CACNA1E: variants seen among roughly 807,000 people sequenced by gnomAD.
CACNA1E encodes voltage-dependent R-type calcium channel subunit alpha-1E.
CACNA1E carries 40 observed loss-of-function variants against 259.2 expected under a neutral mutation model. The ratio of observed to expected loss-of-function variants is 0.15; its 90% CI spans 0.12 to 0.20. The LOEUF is 0.20. Among genes scored for constraint, CACNA1E ranks in the 10% least tolerant of loss-of-function variants. The pLI is 1.00. For missense variants in CACNA1E, 1,874 were observed against 3,040.1 expected, an observed-to-expected ratio of 0.62 and a Z score of 9.02; for synonymous variants, 1,104 against 1,138.5, an observed-to-expected ratio of 0.97 and a Z score of 0.61.
chr1:181,581,485 C>T (rs1651538489), intron 6 of CACNA1E, among the ~76,000 whole-genome samples: 1 of 152,078 alleles, frequency 6.6e-6, no homozygotes, highest in African/African-American at 2.4e-5. Context: ...GTGAGCTGTG[C>T]TTTTTTCAAG....
chr1:181,785,907 G>A (rs1660811682), intron 43 of CACNA1E, 88 bp downstream of exon 43: 1 of 796,296 alleles, frequency 1.3e-6, no homozygotes, highest in Non-Finnish European at 2.1e-6. Flanking sequence ...CTGCTCAGAA[G>A]GGCCCAAGAA....
In CACNA1E at chr1:181,733,746, G is replaced by T; in HGVS notation, c.3258G>T (p.Val1086=). 1 of 1,541,414 alleles carries T rather than the reference G, an allele frequency of 6.5e-7. No individual in the cohort carries two copies. The highest frequency in any genetic ancestry group is 1.4e-5 in the African/African-American group (1 of 72,432). Reference sequence around the variant, plus strand: ...ACCCCTTGGTGGACTCAACCGTGGTGCACAGTGAGAGCACAGTCCCTGTTC... The same window carrying T: ...ACCCCTTGGTGGACTCAACCGTGGTTCACAGTGAGAGCACAGTCCCTGTTC... ...DVDPLVDSTV[V]HISNKTDGEA... is the part of the protein sequence containing the mutation. The change falls in exon 21 of 48, where the codon GTG becomes GTT. Residue 1086 remains valine (V), a synonymous_variant. Coordinates refer to ENST00000367573, the MANE Select transcript of CACNA1E (RefSeq NM_001205293.3).
intron 3 of CACNA1E, among the ~76,000 whole-genome samples, chr1:181,536,745 G>A (rs1668198803): frequency 6.6e-6 from 1 of 152,158 alleles, no homozygotes; most frequent in African/African-American, 2.4e-5. Context: ...GGGTCACTTT[G>A]ATGACCAGTC....
intron 1 of CACNA1E, among the ~76,000 whole-genome samples, chr1:181,327,584 G>C (rs995890982): frequency 6.6e-6 from 1 of 152,140 alleles, no homozygotes; most frequent in Admixed American, 6.5e-5. Context: ...AGTTATCACT[G>C]TATACCCACA....
At chr1:181,395,733 C>A (rs1446497523) in intron 1 of CACNA1E, among the ~76,000 whole-genome samples, 1 of 152,072 alleles carries the variant, frequency 6.6e-6, no homozygotes, top group Non-Finnish European at 1.5e-5. Context: ...AGAAGAAAAG[C>A]CAGCAAAGGA....
chr1:181,703,995 T>C (rs967505207), intron 7 of CACNA1E, among the ~76,000 whole-genome samples: 4 of 149,546 alleles, frequency 2.7e-5, no homozygotes, highest in Admixed American at 2.7e-4. Context: ...AGGAGGAGCC[T>C]TCTGAAAGCT....
At chr1:181,733,831 G>A (rs1336524623) in intron 21 of CACNA1E, 81 bp downstream of exon 21, 1 of 1,063,688 alleles carries the variant, frequency 9.4e-7, no homozygotes, top group Non-Finnish European at 1.3e-6. Context: ...AAGCCACATG[G>A]AAAGCACCAC....
intron 3 of CACNA1E, among the ~76,000 whole-genome samples, chr1:181,560,639 G>T (rs953038096): frequency 6.6e-6 from 1 of 152,122 alleles, no homozygotes; most frequent in Admixed American, 6.5e-5. Context: ...AACCAGTATG[G>T]CAGTTCCTCA....
Position 181,785,923 on chromosome 1 carries a change from ACT to A in CACNA1E, c.5786+107_5786+108del, listed in dbSNP as rs1660813140. The A allele has an allele frequency of 4.2e-6, 3 of 714,932 alleles. No individual in the cohort carries two copies. The Admixed American group carries it at 7.6e-5, about 18-fold the overall frequency. The allele number at this position is 714,932 out of a possible 1,614,324, so 44.3% of individuals were successfully genotyped here. A position where few individuals can be genotyped will look rare whatever the true frequency, so the allele number is the denominator to read the frequency against. On this transcript the variant is annotated intron_variant, in intron 43 of 47. Transcript: ENST00000367573. ...TGCTCAGAAGGGCCCAAGAACAAAT[ACT>A]CTGAGCTTGAGTGATCCTTTTTCTG...
At position 181,720,987 on chromosome 1, in the gene CACNA1E, T is replaced by TCTAGTTGAG. The variant is rs1023090152; in HGVS notation, c.1956+134_1956+142dup. ...CCTCCCAGGGGATTGAGGCACTCTTTCTAGTTGAGCGGTCATTACTACAAT... is the reference window on the plus strand; with the variant it reads ...CCTCCCAGGGGATTGAGGCACTCTTTCTAGTTGAGCTAGTTGAGCGGTCATTACTACAAT... On this transcript the variant is annotated intron_variant, in intron 15 of 47. Transcript: ENST00000367573. 1.8e-4 allele frequency: 116 copies of TCTAGTTGAG among 653,360 alleles called. No homozygotes were observed. The African/African-American group carries it at 1.9e-3, about 11-fold the overall frequency. 40.5% of individuals were successfully genotyped at this position (653,360 alleles called of 1,614,324 possible).
chr1:181,441,006 A>G (rs1660434173), intron 2 of CACNA1E, among the ~76,000 whole-genome samples: 1 of 146,454 alleles, frequency 6.8e-6, no homozygotes, highest in Non-Finnish European at 1.5e-5. Context: ...AAAAAAAAAA[A>G]AAAAAAAAAA....
intron 2 of CACNA1E, among the ~76,000 whole-genome samples, chr1:181,472,284 A>G (rs547394155): frequency 4.6e-5 from 7 of 152,304 alleles, no homozygotes; most frequent in African/African-American, 1.4e-4. Context: ...GGTATGTAGG[A>G]TGAATGAGTC....
intron 7 of CACNA1E, among the ~76,000 whole-genome samples, chr1:181,673,163 C>G (rs1285649621): frequency 6.6e-6 from 1 of 152,156 alleles, no homozygotes; most frequent in Non-Finnish European, 1.5e-5. Flanking sequence ...CACCAAGCAA[C>G]TGGGAAACTG....
intron 6 of CACNA1E, among the ~76,000 whole-genome samples, chr1:181,597,357 CTCT>C (rs1653288041): frequency 6.6e-6 from 1 of 152,210 alleles, no homozygotes; most frequent in African/African-American, 2.4e-5. Flanking sequence ...CTGCCCCTTC[CTCT>C]TCTTCACCAG....
chr1:181,744,880 A>G (rs1240390547), intron 25 of CACNA1E, among the ~76,000 whole-genome samples: 4 of 152,230 alleles, frequency 2.6e-5, no homozygotes, highest in Non-Finnish European at 5.9e-5. Flanking sequence ...TAGCCCATTA[A>G]CTGTGGATTT....
In CACNA1E at chr1:181,469,160, G is replaced by A. The variant is rs141093508; in HGVS notation, c.435-14584G>A. On this transcript the variant is annotated intron_variant, in intron 2 of 11. Coordinates refer to the CACNA1E transcript ENST00000524607. ...GGTGAGATAGGGTCAGAGTTGAGCTGTGCAATGAATTTTTGTGGTAGAACC... is the reference window on the plus strand; with the variant it reads ...GGTGAGATAGGGTCAGAGTTGAGCTATGCAATGAATTTTTGTGGTAGAACC... 2.4e-4 allele frequency among the ~76,000 whole-genome samples: 36 copies of A among 152,230 alleles called. 1 individual carries two copies. The East Asian group carries it at 6.2e-3, about 26-fold the overall frequency.
chr1:181,611,632 T>A (rs1382060560), intron 6 of CACNA1E, among the ~76,000 whole-genome samples: 1 of 152,152 alleles, frequency 6.6e-6, no homozygotes, highest in Non-Finnish European at 1.5e-5. Context: ...CCAGAGGCCC[T>A]ATCCCACTAG....
In CACNA1E at chr1:181,716,051, G is replaced by A. The variant is rs757401430; in HGVS notation, c.1237G>A (p.Ala413Thr). Residue 413 changes from alanine to threonine, a missense_variant, in exon 10 of 48, where the codon GCA (alanine) becomes ACA (threonine). By Grantham distance (58) the Ala-to-Thr change is moderately conservative. Transcript: ENST00000367573. ...GTSALEVLRR[A>T]TIKRSRTEAM... ...TTTCCCTGATGCAGTGCTTCGAAGG[G>A]CAACCATCAAGAGGAGCCGGACAGA... The A allele has an allele frequency of 1.9e-6, 3 of 1,568,556 alleles. No homozygotes were observed. Among genetic ancestry groups the A allele is most frequent in the Non-Finnish European group, 1.7e-6 (2 of 1,156,176 alleles).
intron 2 of CACNA1E, among the ~76,000 whole-genome samples, chr1:181,461,052 G>A (rs1199676392): frequency 2.6e-5 from 4 of 152,158 alleles, no homozygotes; most frequent in Non-Finnish European, 5.9e-5. Flanking sequence ...TGCAACCTTA[G>A]CCCTCACCTG....
Sources: gnomAD v4.1 joint callset for allele counts (sites outside exome capture counted in the v4.1 genomes callset) on GRCh38, gnomAD v4.1.1 for gene constraint, MANE v1.5 for transcripts, NCBI Gene and HGNC (gene_info 2026-07-23, HGNC 2026-07-21) for gene names.